MCF2L: variants seen among roughly 807,000 people sequenced by gnomAD.
The protein encoded by MCF2L is MCF.2 cell line derived transforming sequence like, also known as guanine nucleotide exchange factor DBS.
MCF2L carries 97 observed loss-of-function variants against 153.4 expected under a neutral mutation model. The observed-to-expected ratio is 0.63, with a 90% CI of 0.54 to 0.75. The LOEUF is 0.75. Among genes scored for constraint, MCF2L ranks in the 30% least tolerant of loss-of-function variants. The pLI, the probability that MCF2L is intolerant of heterozygous loss-of-function variation, is 0.00. For missense variants in MCF2L, 1,347 were observed against 1,495.2 expected (o/e 0.90, Z 1.64); for synonymous variants, 659 against 632.2 (o/e 1.04, Z -0.64).
intron 1 of MCF2L, among the ~76,000 whole-genome samples, chr13:112,971,296 G>A (rs554621846): frequency 4.5e-4 from 68 of 152,306 alleles, no homozygotes; most frequent in African/African-American, 1.6e-3. Context: ...CCTCAGGAGA[G>A]TTCCCCACCT....
At position 113,029,078 on chromosome 13, in the gene MCF2L, A is replaced by G. The variant is rs576825005; in HGVS notation, c.278+4320A>G. Among the ~76,000 whole-genome samples, 4 of 152,220 alleles carry G rather than the reference A, an allele frequency of 2.6e-5. No individual in the cohort carries two copies. In the East Asian group the frequency reaches 5.8e-4, roughly 22 times the overall value. Reference sequence around the variant, plus strand: ...GTAGGTCTCATCAGTGTCAGACCCAATGCTCCCTTTCTATCTGGAAATAAA... The same window carrying G: ...GTAGGTCTCATCAGTGTCAGACCCAGTGCTCCCTTTCTATCTGGAAATAAA... On this transcript the variant is annotated intron_variant, in intron 3 of 29. Transcript: ENST00000535094.
chr13:113,035,732 G>T lies in MCF2L; in HGVS notation c.279-9539G>T, dbSNP rs1028483560. ...ATGGAGATTTTAAGGTCTTACTGTG[G>T]TGTGAGCGATCAGAGACCCCAGTGT... On this transcript the variant is annotated intron_variant, in intron 3 of 29. Coordinates refer to ENST00000535094, the MANE Select transcript of MCF2L (RefSeq NM_001112732.3). This position sits in a 1 kb window ranked among gnomAD's most constrained non-coding sequence, Gnocchi z 4.4. Among the ~76,000 whole-genome samples the T allele has an allele frequency of 1.3e-5, 2 of 152,218 alleles. No individual in the cohort carries two copies. The highest frequency in any genetic ancestry group is 2.9e-5 in the Non-Finnish European group (2 of 68,038).
Position 113,076,926 on chromosome 13 carries a change from C to T in MCF2L, c.1501-126C>T, listed in dbSNP as rs538556955. 1.9e-4 allele frequency: 194 copies of T among 1,038,366 alleles called. 3 individuals carry two copies. In the South Asian group the frequency reaches 2.9e-3, roughly 16 times the overall value. 64.3% of individuals were successfully genotyped at this position (1,038,366 alleles called of 1,614,324 possible). On this transcript the variant is annotated intron_variant, in intron 12 of 29. Coordinates refer to ENST00000535094, the MANE Select transcript of MCF2L (RefSeq NM_001112732.3). ...GCTGGACACAGCTGCGCTGCGCTGACAGACCCCGCATGGAGAACATTTAAA... is the reference window on the plus strand; with the variant it reads ...GCTGGACACAGCTGCGCTGCGCTGATAGACCCCGCATGGAGAACATTTAAA...
intron 1 of MCF2L, among the ~76,000 whole-genome samples, chr13:113,014,338 A>G (rs2084370387): frequency 6.6e-6 from 1 of 152,192 alleles, no homozygotes; most frequent in Non-Finnish European, 1.5e-5. Context: ...CTGGGCCACA[A>G]GTTACTGCAC....
At chr13:113,006,778 T>C (rs1028438626) in intron 1 of MCF2L, among the ~76,000 whole-genome samples, 5 of 152,168 alleles carry the variant, frequency 3.3e-5, no homozygotes, top group Non-Finnish European at 7.4e-5. Flanking sequence ...AGCAGTCACT[T>C]GAGAACGCCC....
At chr13:113,091,611 C>T (rs1282740822) in intron 26 of MCF2L, among the ~76,000 whole-genome samples, 2 of 150,424 alleles carry the variant, frequency 1.3e-5, no homozygotes, top group Non-Finnish European at 1.5e-5. Context: ...AGCATAGCAA[C>T]TGGCAGGGCC....
At chr13:112,994,298 C>T (rs1272158980) in intron 1 of MCF2L, among the ~76,000 whole-genome samples, 1 of 145,300 alleles carries the variant, frequency 6.9e-6, no homozygotes. Flanking sequence ...GGGCGCGGCG[C>T]GTGGGACGCC....
chr13:113,061,969 C>T (rs2031579425), intron 5 of MCF2L, among the ~76,000 whole-genome samples: 1 of 143,624 alleles, frequency 7.0e-6, no homozygotes, highest in African/African-American at 2.6e-5. Context: ...ACGCAGTCCA[C>T]TCTGGGTGTC....
chr13:112,941,787 CTT>C lies in MCF2L; in HGVS notation c.169+39418_169+39419del, dbSNP rs2081577752. Among the ~76,000 whole-genome samples the C allele has an allele frequency of 6.6e-6, 1 of 152,116 alleles. No homozygotes were observed. Among genetic ancestry groups the C allele is most frequent in the Non-Finnish European group, 1.5e-5 (1 of 68,038 alleles). Reference sequence around the variant, plus strand: ...CAATCATTAGTTTGTAGCAATTACTCTTTATTCCAATATTATAATAATCCTTG... The same window carrying C: ...CAATCATTAGTTTGTAGCAATTACTCTATTCCAATATTATAATAATCCTTG... On this transcript the variant is annotated intron_variant, in intron 2 of 29. Coordinates refer to the MCF2L transcript ENST00000375608. This position sits in a 1 kb window ranked among gnomAD's most constrained non-coding sequence, Gnocchi z 4.9.
intron 2 of MCF2L, among the ~76,000 whole-genome samples, chr13:112,921,676 A>C (rs1027560474): frequency 6.6e-6 from 1 of 152,230 alleles, no homozygotes; most frequent in Non-Finnish European, 1.5e-5. Flanking sequence ...ACACCCTCAA[A>C]TTCCCAGGGA....
rs889981655 is a variant in MCF2L at position 112,951,158 on chromosome 13, A to G, written c.169+48787A>G. Among the ~76,000 whole-genome samples the G allele has an allele frequency of 1.3e-5, 2 of 152,228 alleles. No homozygotes were observed. The highest frequency in any genetic ancestry group is 6.5e-5 in the Admixed American group (1 of 15,282). ...TGGAGAAGTGCAAGACCTGGGTACC[A>G]CTGCACACCCTCAGGAGAGCTAAGA... On this transcript the variant is annotated intron_variant, in intron 2 of 29. Transcript: ENST00000375608. The surrounding 1 kb of genome is among the most constrained non-coding windows in gnomAD (Gnocchi z 4.8).
Position 112,909,416 on chromosome 13 carries a change from G to T in MCF2L, c.169+7045G>T. 4 of 725,594 alleles carry T rather than the reference G, an allele frequency of 5.5e-6. No homozygotes were observed. The South Asian group carries it at 6.0e-5, about 11-fold the overall frequency. The allele number at this position is 725,594 out of a possible 1,614,324, so 44.9% of individuals were successfully genotyped here. ...TTGATCCCAAGGGGCTGTCTGCAGG[G>T]GTTTGGGGCAGGCCTGAGCATTCAC... On this transcript the variant is annotated intron_variant, in intron 2 of 29. Transcript: ENST00000375608.
At chr13:113,051,675 A>G (rs2087339142) in intron 4 of MCF2L, among the ~76,000 whole-genome samples, 2 of 152,212 alleles carry the variant, frequency 1.3e-5, no homozygotes, top group Admixed American at 1.3e-4. Context: ...TCTGCTGCTT[A>G]TATGTCAAGA....
intron 3 of MCF2L, among the ~76,000 whole-genome samples, chr13:113,037,306 T>C (rs2086215934): frequency 6.6e-6 from 1 of 152,138 alleles, no homozygotes; most frequent in African/African-American, 2.4e-5. Flanking sequence ...AGAGTTGAGC[T>C]AGACAGAGTG....
intron 3 of MCF2L, among the ~76,000 whole-genome samples, chr13:113,034,494 G>T (rs367631351): frequency 6.6e-6 from 1 of 152,170 alleles, no homozygotes; most frequent in East Asian, 1.9e-4. Flanking sequence ...CTGCACGATG[G>T]TTATGCTGGC....
intron 16 of MCF2L, among the ~76,000 whole-genome samples, chr13:113,081,995 T>C (rs1248674306): frequency 6.6e-6 from 1 of 150,912 alleles, no homozygotes; most frequent in African/African-American, 2.4e-5. Context: ...AGACAGCGAG[T>C]GTGCACAGGT....
At chr13:112,939,487 T>G (rs1026620040) in intron 2 of MCF2L, among the ~76,000 whole-genome samples, 2 of 152,166 alleles carry the variant, frequency 1.3e-5, no homozygotes, top group African/African-American at 4.8e-5. Flanking sequence ...TGGTCTCTAA[T>G]AAGAGAAATA....
At chr13:113,063,112 T>C (rs550070393) in intron 5 of MCF2L, among the ~76,000 whole-genome samples, 10 of 152,314 alleles carry the variant, frequency 6.6e-5, no homozygotes, top group Admixed American at 5.9e-4. Context: ...CGTGTGGAGT[T>C]TTGTGCACCT....
At chr13:112,915,410 C>CAAAAAAAAAAAAAAAA (rs779274453) in intron 2 of MCF2L, among the ~76,000 whole-genome samples, 12 of 86,912 alleles carry the variant, frequency 1.4e-4, no homozygotes, top group African/African-American at 4.3e-4. Flanking sequence ...CTCTGTCTCA[C>CAAAAAAAAAAAAAAAA]AAAAAAAAAA....
Sources: gnomAD v4.1 joint callset for allele counts (sites outside exome capture counted in the v4.1 genomes callset) on GRCh38, gnomAD v4.1.1 for gene constraint, Gnocchi (gnomAD v3.1) non-coding constraint, MANE v1.5 for transcripts, NCBI Gene and HGNC (gene_info 2026-07-23, HGNC 2026-07-21) for gene names.